The following ARHGAP32 variants were observed in gnomAD, a reference collection of about 807,000 sequenced individuals.
The protein encoded by ARHGAP32 is rho GTPase-activating protein 32.
In ARHGAP32, 51 loss-of-function variants were observed where a neutral mutation model predicts 186.5. That is an observed-to-expected ratio of 0.27 (90% CI 0.22 to 0.35). The LOEUF (loss-of-function observed/expected upper bound fraction) is 0.35, where lower values mean the gene tolerates loss of function less well. Ranked by LOEUF, ARHGAP32 falls within the 10% of genes least tolerant of loss-of-function variation. The pLI, the probability that ARHGAP32 is intolerant of heterozygous loss-of-function variation, is 1.00. For synonymous variants in ARHGAP32, 950 were observed against 964.3 expected (o/e 0.99, Z 0.27); for missense variants, 2,186 against 2,623.5 (o/e 0.83, Z 3.64).
chr11:129,132,734 A>G (rs1942840500), intron 2 of ARHGAP32, among the ~76,000 whole-genome samples: 1 of 152,228 alleles, frequency 6.6e-6, no homozygotes, highest in Admixed American at 6.5e-5. Flanking sequence ...AGCTATTTCC[A>G]TAGGAAAATA....
chr11:129,042,131 G>A (rs114182044), intron 10 of ARHGAP32, among the ~76,000 whole-genome samples: 3,883 of 152,216 alleles, frequency 0.026, 100 homozygotes, highest in African/African-American at 0.063. Flanking sequence ...CTGAAAAGGG[G>A]TATTAACAGA....
intron 7 of ARHGAP32, among the ~76,000 whole-genome samples, chr11:129,065,311 T>A (rs1459056567): frequency 6.6e-6 from 1 of 152,124 alleles, no homozygotes; most frequent in African/African-American, 2.4e-5. Flanking sequence ...TAATCTTCCA[T>A]GCACATGGCC....
intron 11 of ARHGAP32, among the ~76,000 whole-genome samples, chr11:129,007,988 C>G (rs567394835): frequency 6.6e-6 from 1 of 152,140 alleles, no homozygotes; most frequent in Admixed American, 6.5e-5. Flanking sequence ...TTGCTTTCCA[C>G]TGTGACAGGG....
chr11:129,187,060 A>G (rs1428921011), intron 1 of ARHGAP32, among the ~76,000 whole-genome samples: 1 of 152,164 alleles, frequency 6.6e-6, no homozygotes, highest in African/African-American at 2.4e-5. Context: ...AGGTATCTGC[A>G]CTCCCATATT....
At chr11:129,021,549 A>G (rs1938593501) in intron 11 of ARHGAP32, among the ~76,000 whole-genome samples, 1 of 152,072 alleles carries the variant, frequency 6.6e-6, no homozygotes. Flanking sequence ...AAATGGTCAT[A>G]CGGTTAAGAT....
intron 6 of ARHGAP32, among the ~76,000 whole-genome samples, chr11:129,088,084 T>C (rs1237078109): frequency 6.6e-6 from 1 of 152,228 alleles, no homozygotes; most frequent in African/African-American, 2.4e-5. Context: ...TTTCAACTTC[T>C]TAAAAATATT....
intron 2 of ARHGAP32, among the ~76,000 whole-genome samples, chr11:129,143,241 T>C (rs192327013): frequency 6.6e-6 from 1 of 152,210 alleles, no homozygotes; most frequent in Admixed American, 6.5e-5. Flanking sequence ...GGTCTAAGTA[T>C]TGTCCCCTTT....
chr11:129,192,185 CT>C lies in ARHGAP32; in HGVS notation c.13del (p.Ser5ValfsTer6). ...GTCATCCCCTAAAGTGCTACTCTCA[CT>C]TTCAGTCTCCATCTTGTACTTAAAA... METE[S>X]ESSTLGDDSV... On this transcript the variant is annotated frameshift_variant, in exon 1 of 23. Coordinates refer to ENST00000682385, the MANE Select transcript of ARHGAP32 (RefSeq NM_001378024.1). LOFTEE classifies it high-confidence loss of function. 1 of 1,613,184 alleles carries C rather than the reference CT, an allele frequency of 6.2e-7. No individual in the cohort carries two copies.
At chr11:129,146,576 G>A (rs1356418505) in intron 2 of ARHGAP32, among the ~76,000 whole-genome samples, 1 of 151,892 alleles carries the variant, frequency 6.6e-6, no homozygotes, top group African/African-American at 2.4e-5. Context: ...TTTACTTTTA[G>A]TAATTCAGAA....
chr11:129,126,175 T>C (rs1942655953), intron 2 of ARHGAP32: 1 of 214,984 alleles, frequency 4.7e-6, no homozygotes, highest in Non-Finnish European at 9.4e-6. Flanking sequence ...AGAAAAAGCG[T>C]TGACAAACTT....
intron 1 of ARHGAP32, among the ~76,000 whole-genome samples, chr11:129,232,874 C>G (rs143550128): frequency 6.6e-6 from 1 of 152,260 alleles, no homozygotes; most frequent in East Asian, 1.9e-4. Flanking sequence ...CCGCTACCAG[C>G]CTGAGAAAAC....
intron 11 of ARHGAP32, among the ~76,000 whole-genome samples, chr11:129,037,869 G>A (rs553098395): frequency 6.6e-6 from 1 of 152,010 alleles, no homozygotes; most frequent in East Asian, 1.9e-4. Flanking sequence ...TTGGGAGGCC[G>A]AGGTGGGCGG....
At chr11:129,220,400 G>A (rs1944697812) in intron 1 of ARHGAP32, among the ~76,000 whole-genome samples, 1 of 152,046 alleles carries the variant, frequency 6.6e-6, no homozygotes. Context: ...GAAGCAAGGG[G>A]GAATGGAAAA....
At position 128,965,477 on chromosome 11, in the gene ARHGAP32, T is replaced by A. The variant is rs371936398; in HGVS notation, c.*3430A>T. ...ATGGTTGAAAAATCAGGTTTTGCTA[T>A]CTCAGAATCTAAACTGTAAAACCAT... On this transcript the variant is annotated 3_prime_UTR_variant, in exon 23 of 23. Coordinates refer to ENST00000682385, the MANE Select transcript of ARHGAP32 (RefSeq NM_001378024.1). 5.3e-5 allele frequency: 8 copies of A among 152,206 alleles called. No homozygotes were observed. The highest frequency in any genetic ancestry group is 7.3e-5 in the Non-Finnish European group (5 of 68,050). 9.4% of individuals were successfully genotyped at this position (152,206 alleles called of 1,614,324 possible). A position where few individuals can be genotyped will look rare whatever the true frequency, so the allele number is the denominator to read the frequency against.
intron 11 of ARHGAP32, among the ~76,000 whole-genome samples, chr11:129,000,018 T>C (rs1034379276): frequency 6.6e-6 from 1 of 152,218 alleles, no homozygotes; most frequent in Non-Finnish European, 1.5e-5. Context: ...GCACTTGTAA[T>C]CTGTTGAATA....
intron 2 of ARHGAP32, among the ~76,000 whole-genome samples, chr11:129,133,524 A>C (rs1942865645): frequency 6.6e-6 from 1 of 152,236 alleles, no homozygotes; most frequent in South Asian, 2.1e-4. Context: ...CCAGAAACAA[A>C]AAAGATACAT....
chr11:128,987,753 C>T (rs1456325963), intron 13 of ARHGAP32, among the ~76,000 whole-genome samples: 1 of 152,036 alleles, frequency 6.6e-6, no homozygotes, highest in African/African-American at 2.4e-5. Flanking sequence ...TGGCTGTCAT[C>T]GGTTCAAACT....
At position 128,972,864 on chromosome 11, in the gene ARHGAP32, C is replaced by T. The variant is rs556814081; in HGVS notation, c.3642G>A (p.Gln1214=). ...NSMPTVSFLD[Q]DQSPPRFYSG... ...TGTAGAAACGGGGTGGAGACTGGTC[C>T]TGATCCAAGAAGGAGACAGTTGGCA... is the stretch of plus-strand genomic sequence containing the variant. The change falls in exon 22 of 23, where the codon CAG becomes CAA. Residue 1214 remains glutamine (Q), a synonymous_variant. Coordinates refer to ENST00000682385, the MANE Select transcript of ARHGAP32 (RefSeq NM_001378024.1). The T allele has an allele frequency of 1.3e-5, 21 of 1,613,936 alleles. No individual in the cohort carries two copies. Among genetic ancestry groups the T allele is most frequent in the Admixed American group, 3.3e-5 (2 of 59,996 alleles).
At chr11:129,134,986 C>G (rs1168430372) in intron 2 of ARHGAP32, among the ~76,000 whole-genome samples, 2 of 152,158 alleles carry the variant, frequency 1.3e-5, no homozygotes, top group African/African-American at 4.8e-5. Context: ...TCTGTTATAG[C>G]AGCCAGAACA....
Sources: allele counts gnomAD v4.1 joint callset (sites outside exome capture counted in the v4.1 genomes callset), GRCh38; gene constraint gnomAD v4.1.1; transcripts MANE v1.5; gene names NCBI Gene and HGNC (gene_info 2026-07-23, HGNC 2026-07-21).